Variants in MADD observed in about 807,000 individuals in gnomAD.
MADD encodes the protein MAP kinase-activating death domain protein.
MADD carries 109 observed loss-of-function variants against 176.7 expected under a neutral mutation model. That is an observed-to-expected ratio of 0.62 (90% CI 0.53 to 0.72). The LOEUF (loss-of-function observed/expected upper bound fraction) is 0.72, where lower values mean the gene tolerates loss of function less well. Among genes scored for constraint, MADD ranks in the 30% least tolerant of loss-of-function variants. The pLI, the probability that MADD is intolerant of heterozygous loss-of-function variation, is 0.00. For synonymous variants in MADD, 771 were observed against 771.3 expected (o/e 1.00, Z 0.01); for missense variants, 1,914 against 2,045.5 (o/e 0.94, Z 1.24).
exon 4 of MADD, chr11:47,276,047 G>A (rs1368584225): frequency 6.2e-7 from 1 of 1,614,012 alleles, no homozygotes; most frequent in Admixed American, 1.7e-5. Context: ...AGTAGACATC[G>A]AGGTCCTACC....
chr11:47,285,285 T>G, intron 13 of MADD, 91 bp downstream of exon 13: 1 of 1,561,278 alleles, frequency 6.4e-7, no homozygotes, highest in Non-Finnish European at 8.7e-7. Context: ...GTCTGAGAAG[T>G]CTGAATGCTC....
rs893430415 is a variant in MADD at position 47,306,163 on chromosome 11, C to G, written c.3643-2428C>G. 2.6e-5 allele frequency among the ~76,000 whole-genome samples: 4 copies of G among 152,268 alleles called. No individual in the cohort carries two copies. The East Asian group carries it at 7.7e-4, about 29-fold the overall frequency. ...TGTTTTCATAGTGGATAGGGTACTGCTTCAGCTGCAGCCCAAGGGGAGTGG... is the reference window on the plus strand; with the variant it reads ...TGTTTTCATAGTGGATAGGGTACTGGTTCAGCTGCAGCCCAAGGGGAGTGG... On this transcript the variant is annotated intron_variant, in intron 22 of 32. Transcript: ENST00000402192.
intron 23 of MADD, 31 bp from the exon 26 acceptor site, chr11:47,308,949 A>G (rs1184340585): frequency 1.3e-6 from 2 of 1,598,464 alleles, no homozygotes; most frequent in African/African-American, 1.3e-5. Context: ...CTTTCTTGCT[A>G]CCATGGTCCT....
chr11:47,329,404 G>T, exon 33 of MADD: 1 of 522,040 alleles, frequency 1.9e-6, no homozygotes, highest in South Asian at 2.3e-5. Context: ...ACAGTCTGTG[G>T]GGCCGGTGTG....
chr11:47,274,251 ACTC>A (rs1049741076), intron 2 of MADD, among the ~76,000 whole-genome samples: 8 of 152,032 alleles, frequency 5.3e-5, no homozygotes, highest in African/African-American at 1.7e-4. Flanking sequence ...ATTATAAGCT[ACTC>A]CTCTATGTAT....
exon 9 of MADD, chr11:47,282,503 C>T (rs749517991): frequency 1.2e-6 from 2 of 1,614,186 alleles, no homozygotes; most frequent in Non-Finnish European, 8.5e-7. Context: ...TTTCTAGCCT[C>T]ACGTCCCCGG....
chr11:47,317,467 A>C (rs931891248), intron 27 of MADD, among the ~76,000 whole-genome samples: 2 of 152,156 alleles, frequency 1.3e-5, no homozygotes, highest in African/African-American at 2.4e-5. Flanking sequence ...TGCCCTGTGG[A>C]GTCTCCTACA....
At chr11:47,283,461 G>A (rs955831762) in intron 10 of MADD, among the ~76,000 whole-genome samples, 1 of 151,322 alleles carries the variant, frequency 6.6e-6, no homozygotes, top group Admixed American at 6.6e-5. Flanking sequence ...GAGTGCAGTG[G>A]TGCCGTCTCA....
At chr11:47,272,461 G>C (rs1412398401) in intron 1 of MADD, 1 of 152,322 alleles carries the variant, frequency 6.6e-6, no homozygotes, top group East Asian at 1.9e-4. Context: ...CGCAGCAGCA[G>C]GTGAGGGAGT....
intron 12 of MADD, 65 bp downstream of exon 12, chr11:47,284,630 A>G (rs1003021825): frequency 6.4e-7 from 1 of 1,553,880 alleles, no homozygotes; most frequent in African/African-American, 1.4e-5. Flanking sequence ...CTATTAGGAA[A>G]GCCAGGCTGT....
chr11:47,276,162 C>T, exon 4 of MADD: 2 of 1,613,886 alleles, frequency 1.2e-6, no homozygotes, highest in Non-Finnish European at 1.7e-6. Context: ...GGTGTGGACG[C>T]CTGTCTCCAG....
Position 47,279,198 on chromosome 11 carries a change from C to T in MADD, c.1290+119C>T, listed in dbSNP as rs894620494. 17 of 901,978 alleles carry T rather than the reference C, an allele frequency of 1.9e-5. No individual in the cohort carries two copies. The African/African-American group carries it at 2.5e-4, about 13-fold the overall frequency. The allele number at this position is 901,978 out of a possible 1,614,324, so 55.9% of individuals were successfully genotyped here. Reference sequence around the variant, plus strand: ...CTTCAAGTGGAGTAGTTTTCTTCACCCTGGATGGGCTTAAGAAAACGCGTA... The same window carrying T: ...CTTCAAGTGGAGTAGTTTTCTTCACTCTGGATGGGCTTAAGAAAACGCGTA... On this transcript the variant is annotated intron_variant, in intron 7 of 32. Transcript: ENST00000402192.
chr11:47,309,397 G>A lies in MADD; in HGVS notation c.3868G>A (p.Asp1290Asn), dbSNP rs754363453. 1.2e-5 allele frequency: 19 copies of A among 1,614,030 alleles called. No individual in the cohort carries two copies. Among genetic ancestry groups the A allele is most frequent in the East Asian group, 2.2e-5 (1 of 44,902 alleles). ...GGACCAGGGTCCCCAGGAAATGATC[G>A]ACAGGTATGGGGCTTAGGAAACCAT... The change falls in exon 24 of 33, where the codon GAC becomes AAC. Residue 1290 changes from aspartate to asparagine, a missense_variant. Around this residue, in one of 2 missense-constraint regions of MADD, gnomAD observed 1,767 missense variants for 1,836.0 expected, o/e 0.96. Transcript: ENST00000402192.
At chr11:47,295,024 T>G (rs2069748885) in intron 20 of MADD, among the ~76,000 whole-genome samples, 1 of 151,850 alleles carries the variant, frequency 6.6e-6, no homozygotes, top group Non-Finnish European at 1.5e-5. Flanking sequence ...TTTGTTTTTT[T>G]TTTTGAGACA....
chr11:47,274,378 TGACA>T (rs2047897122), intron 2 of MADD, among the ~76,000 whole-genome samples, 181 bp from the exon 3 acceptor site: 1 of 152,244 alleles, frequency 6.6e-6, no homozygotes, highest in African/African-American at 2.4e-5. Context: ...GATGCCTTCA[TGACA>T]GTGTAGACTT....
At position 47,281,548 on chromosome 11, in the gene MADD, G is replaced by C. The variant is rs2056765906; in HGVS notation, c.1291-27G>C. The stretch of plus-strand genomic sequence containing the variant: ...CTAGCTGCCCAGGGACGTTCCTTGT[G>C]TAAGGAATTTTCTTGTTGTTCCACA... On this transcript the variant is annotated intron_variant, in intron 7 of 32. Transcript: ENST00000402192. The C allele has an allele frequency of 1.9e-6, 3 of 1,573,708 alleles. No homozygotes were observed. The African/African-American group carries it at 4.1e-5, about 21-fold the overall frequency.
At position 47,273,956 on chromosome 11, in the gene MADD, T is replaced by G. The variant is rs748903734; in HGVS notation, c.42T>G (p.Tyr14Ter). The G allele has an allele frequency of 3.7e-6, 6 of 1,614,138 alleles. No individual in the cohort carries two copies. Among genetic ancestry groups the G allele is most frequent in the Non-Finnish European group, 4.2e-6 (5 of 1,180,006 alleles). The stretch of plus-strand genomic sequence containing the variant: ...AGTTCTGTCCTCGGTTACTTGACTA[T>G]CTAGTGATCGTAGGGGCCAGGTAAC... The change falls in exon 2 of 33, where the codon TAT becomes TAG. Residue 14 changes from tyrosine to a stop codon, truncating the protein, a stop_gained. Transcript: ENST00000402192. LOFTEE classifies it high-confidence loss of function.
At chr11:47,323,686 G>A (rs2094939567) in exon 28 of MADD, 1 of 1,613,552 alleles carries the variant, frequency 6.2e-7, no homozygotes, top group Non-Finnish European at 8.5e-7. Context: ...CGATGACTGT[G>A]TGGTGTTGCG....
exon 10 of MADD, chr11:47,282,932 C>G (rs770533707): frequency 6.2e-7 from 1 of 1,613,860 alleles, no homozygotes; most frequent in East Asian, 2.2e-5. Flanking sequence ...GAGTGTACCA[C>G]CAGAGCGGGA....
Sources: gnomAD v4.1 joint callset for allele counts (sites outside exome capture counted in the v4.1 genomes callset) on GRCh38, gnomAD v4.1.1 for gene constraint, gnomAD v4.1.1 regional missense constraint, MANE v1.5 for transcripts, NCBI Gene and HGNC (gene_info 2026-07-23, HGNC 2026-07-21) for gene names.